Variants in CNOT2 observed in about 807,000 individuals in gnomAD.
CNOT2 encodes the protein CC chemokine receptor 4-negative regulator of transcription 2.
Under a neutral mutation model 72.1 loss-of-function variants are expected in CNOT2, and 7 were observed. The observed-to-expected ratio is 0.10, with a 90% CI of 0.06 to 0.18. The LOEUF (loss-of-function observed/expected upper bound fraction) is 0.18, where lower values mean the gene tolerates loss of function less well. Among genes scored for constraint, CNOT2 ranks in the 10% least tolerant of loss-of-function variants. The pLI, the probability that CNOT2 is intolerant of heterozygous loss-of-function variation, is 1.00. For missense variants in CNOT2, 345 were observed against 660.3 expected (o/e 0.52, Z 5.23); for synonymous variants, 196 against 225.6 (o/e 0.87, Z 1.17).
chr12:70,284,997 C>G (rs1019297918), intron 2 of CNOT2, among the ~76,000 whole-genome samples: 1 of 151,774 alleles, frequency 6.6e-6, no homozygotes, highest in African/African-American at 2.4e-5. Context: ...TGTGTTCGCT[C>G]TGGTGTTCCT....
intron 2 of CNOT2, among the ~76,000 whole-genome samples, chr12:70,290,351 T>C (rs537284768): frequency 6.6e-6 from 1 of 152,266 alleles, no homozygotes; most frequent in African/African-American, 2.4e-5. Context: ...CCAGTCATTC[T>C]TGTTTAGTAT....
At chr12:70,351,719 A>G (rs1037260618) in intron 15 of CNOT2, among the ~76,000 whole-genome samples, 10 of 152,180 alleles carry the variant, frequency 6.6e-5, no homozygotes, top group African/African-American at 2.4e-4. Flanking sequence ...CTGTAACTAC[A>G]CATTTTGAAA....
At chr12:70,243,933 G>C (rs2135668753) in intron 1 of CNOT2, 1 of 152,374 alleles carries the variant, frequency 6.6e-6, no homozygotes, top group East Asian at 1.9e-4. Flanking sequence ...TGGCCGACGA[G>C]CTCGAGCCCG....
intron 4 of CNOT2, 82 bp downstream of exon 4, chr12:70,319,446 C>G (rs1877919884): frequency 3.8e-6 from 5 of 1,320,124 alleles, no homozygotes; most frequent in Non-Finnish European, 5.4e-6. Flanking sequence ...ACCAGTACTT[C>G]CTTTGTGGGT....
At chr12:70,320,868 A>G (rs982803378) in intron 4 of CNOT2, among the ~76,000 whole-genome samples, 1 of 151,932 alleles carries the variant, frequency 6.6e-6, no homozygotes, top group African/African-American at 2.4e-5. Context: ...TGGATTTTTT[A>G]AAATTCTGGT....
chr12:70,265,107 G>C (rs1413515873), intron 1 of CNOT2, among the ~76,000 whole-genome samples: 2 of 151,286 alleles, frequency 1.3e-5, no homozygotes, highest in Non-Finnish European at 3.0e-5. Flanking sequence ...TTTTTTGTTT[G>C]TTATTGTTTT....
rs573024692 is a variant in CNOT2 at position 70,300,919 on chromosome 12, T to C, written c.49-9976T>C. Among the ~76,000 whole-genome samples, 239 of 152,326 alleles carry C rather than the reference T, an allele frequency of 1.6e-3. 4 individuals are homozygous for C. The highest frequency in any genetic ancestry group is 5.4e-3 in the African/African-American group (224 of 41,570). ...ATTGAGCAGTGGTTTGTAGTTCTCC[T>C]TGAAGAGGTCCTTCACATCCCTTGT... On this transcript the variant is annotated intron_variant, in intron 2 of 15. Coordinates refer to ENST00000229195, the MANE Select transcript of CNOT2 (RefSeq NM_014515.7).
chr12:70,334,335 G>A (rs1473775184), intron 7 of CNOT2: 1 of 151,914 alleles, frequency 6.6e-6, no homozygotes, highest in Non-Finnish European at 1.5e-5. Context: ...TGCAGTTTTT[G>A]TAAACAGCCA....
chr12:70,332,961 T>C, intron 7 of CNOT2, 115 bp downstream of exon 7: 1 of 1,335,578 alleles, frequency 7.5e-7, no homozygotes, highest in Non-Finnish European at 9.6e-7. Context: ...TGTTAGATGG[T>C]AGATTTTAAT....
chr12:70,254,237 CAAA>C (rs10711236), intron 1 of CNOT2, among the ~76,000 whole-genome samples: 15 of 117,908 alleles, frequency 1.3e-4, no homozygotes, highest in Admixed American at 1.7e-4. Flanking sequence ...GACTCTGTCT[CAAA>C]AAAAAAAAAA....
intron 2 of CNOT2, among the ~76,000 whole-genome samples, chr12:70,294,500 A>T (rs1354812641): frequency 6.6e-6 from 1 of 152,220 alleles, no homozygotes; most frequent in Non-Finnish European, 1.5e-5. Context: ...GAAATAAGAA[A>T]AAAACCTTAA....
intron 1 of CNOT2, among the ~76,000 whole-genome samples, chr12:70,266,422 C>T (rs765732574): frequency 2.0e-5 from 3 of 152,096 alleles, no homozygotes; most frequent in Non-Finnish European, 4.4e-5. Flanking sequence ...AGCACCCGGC[C>T]GTTGAAATTA....
At chr12:70,282,603 G>A (rs540655464) in intron 2 of CNOT2, among the ~76,000 whole-genome samples, 2 of 152,254 alleles carry the variant, frequency 1.3e-5, no homozygotes, top group East Asian at 3.9e-4. Context: ...ACTATATAGT[G>A]TAGATGTGAT....
chr12:70,300,763 G>A lies in CNOT2; in HGVS notation c.49-10132G>A, dbSNP rs368450650. The stretch of plus-strand genomic sequence containing the variant: ...TTTTTCCAATTCTGTGAAGAAAGTC[G>A]TTGGTAGCTTGATGGGGATGGCATT... On this transcript the variant is annotated intron_variant, in intron 2 of 15. Coordinates refer to ENST00000229195, the MANE Select transcript of CNOT2 (RefSeq NM_014515.7). 9.1e-4 allele frequency among the ~76,000 whole-genome samples: 139 copies of A among 152,250 alleles called. 1 individual carries two copies. Among genetic ancestry groups the A allele is most frequent in the South Asian group, 7.0e-3 (34 of 4,832 alleles).
chr12:70,315,300 T>C (rs1396628901), intron 3 of CNOT2, among the ~76,000 whole-genome samples: 1 of 152,160 alleles, frequency 6.6e-6, no homozygotes, highest in East Asian at 1.9e-4. Flanking sequence ...TCTGGAACTC[T>C]TATGTGTGTG....
At chr12:70,287,980 G>A (rs1337025685) in intron 2 of CNOT2, among the ~76,000 whole-genome samples, 1 of 149,518 alleles carries the variant, frequency 6.7e-6, no homozygotes, top group Admixed American at 6.9e-5. Flanking sequence ...TTAGCTTGAG[G>A]TTGCAGTCCA....
chr12:70,248,941 A>G (rs1958014421), intron 1 of CNOT2, among the ~76,000 whole-genome samples: 1 of 152,092 alleles, frequency 6.6e-6, no homozygotes, highest in Non-Finnish European at 1.5e-5. Context: ...AAAACTAATG[A>G]TAAAATGAGT....
At chr12:70,265,323 C>CTCTT (rs1555188226) in intron 1 of CNOT2, among the ~76,000 whole-genome samples, 3,264 of 144,982 alleles carry the variant, frequency 0.023, 63 homozygotes, top group Middle Eastern at 0.037. Flanking sequence ...CTCTTCTCTT[C>CTCTT]TCTTTCTTTC....
rs538188668 is a variant in CNOT2 at position 70,270,038 on chromosome 12, CA to C, written c.-95-8092del. ...TAGTGCTTTATAAATCCATAGAGAA[CA>C]ATTGGCAAACACAGAGTTTTATTTA... On this transcript the variant is annotated intron_variant, in intron 1 of 15. Coordinates refer to ENST00000229195, the MANE Select transcript of CNOT2 (RefSeq NM_014515.7). 2.6e-4 allele frequency among the ~76,000 whole-genome samples: 40 copies of C among 152,212 alleles called. 1 individual carries two copies. In the South Asian group the frequency reaches 5.2e-3, roughly 20 times the overall value.
Sources: allele counts gnomAD v4.1 joint callset (sites outside exome capture counted in the v4.1 genomes callset), GRCh38; gene constraint gnomAD v4.1.1; transcripts MANE v1.5; gene names NCBI Gene and HGNC (gene_info 2026-07-23, HGNC 2026-07-21).